The following GAS6 variants were observed in gnomAD, a reference collection of about 807,000 sequenced individuals.
The protein encoded by GAS6 is growth arrest-specific protein 6.
GAS6 carries 41 observed loss-of-function variants against 75.8 expected under a neutral mutation model. The ratio of observed to expected loss-of-function variants is 0.54; its 90% CI spans 0.42 to 0.70. GAS6 has a LOEUF of 0.70. Among genes scored for constraint, GAS6 ranks in the 30% least tolerant of loss-of-function variants. The pLI, the probability that GAS6 is intolerant of heterozygous loss-of-function variation, is 0.00. For missense variants in GAS6, 854 were observed against 940.2 expected (o/e 0.91, Z 1.20); for synonymous variants, 432 against 412.6 (o/e 1.05, Z -0.57).
In GAS6 at chr13:113,845,827, T is replaced by G. The variant is rs966402546; in HGVS notation, c.343+700A>C. ...AGAGATCAAAAGTTTAAAAAAACAGTTCATTCACCCCTGCAGGGGCGGAGG... is the reference window on the plus strand; with the variant it reads ...AGAGATCAAAAGTTTAAAAAAACAGGTCATTCACCCCTGCAGGGGCGGAGG... On this transcript the variant is annotated intron_variant, in intron 4 of 14. Transcript: ENST00000327773. The surrounding 1 kb of genome is among the most constrained non-coding windows in gnomAD (Gnocchi z 4.3). The G allele has an allele frequency of 2.6e-5, 4 of 151,634 alleles. No homozygotes were observed. Among genetic ancestry groups the G allele is most frequent in the African/African-American group, 9.7e-5 (4 of 41,238 alleles). The allele number at this position is 151,634 out of a possible 1,614,324, so 9.4% of individuals were successfully genotyped here.
intron 5 of GAS6, chr13:113,839,469 T>C (rs2051752594): frequency 2.3e-6 from 1 of 431,766 alleles, no homozygotes; most frequent in Admixed American, 4.1e-5. Context: ...AGAGGTGAAA[T>C]TTCCCCCCCC....
chr13:113,858,117 T>A (rs1043633698), intron 2 of GAS6, among the ~76,000 whole-genome samples: 23 of 152,352 alleles, frequency 1.5e-4, no homozygotes, highest in African/African-American at 5.5e-4. Flanking sequence ...CCCGTGACCT[T>A]GTGTCACTTT....
chr13:113,849,929 T>A (rs1055469521), intron 2 of GAS6, among the ~76,000 whole-genome samples: 22 of 152,020 alleles, frequency 1.4e-4, no homozygotes, highest in African/African-American at 5.3e-4. Flanking sequence ...AAAGCTAAGA[T>A]GAATAAACCT....
chr13:113,861,127 G>A (rs2138669502), intron 2 of GAS6, among the ~76,000 whole-genome samples: 1 of 152,366 alleles, frequency 6.6e-6, no homozygotes, highest in East Asian at 1.9e-4. Flanking sequence ...AGGGGCAGTG[G>A]GACACACTTC....
rs1293170201 is a variant in GAS6 at position 113,839,860 on chromosome 13, GAC to G, written c.344-12_344-11del. ...CACTGGTCAGGCAGGTCTGATTGGG[GAC>G]ACAAAGTGGAAAATCATGTTCAGCT... is the stretch of plus-strand genomic sequence containing the variant. On this transcript the variant is annotated splice_polypyrimidine_tract_variant and intron_variant, in intron 4 of 14. Transcript: ENST00000327773. 6.2e-7 allele frequency: 1 copy of G among 1,613,600 alleles called. No individual in the cohort carries two copies. Among genetic ancestry groups the G allele is most frequent in the Admixed American group, 1.7e-5 (1 of 59,974 alleles).
chr13:113,828,687 T>C lies in GAS6; in HGVS notation c.1168A>G (p.Asn390Asp), dbSNP rs142494562. ...QTISVEELAR[N>D]LVIKVNRDAV... The stretch of plus-strand genomic sequence containing the variant: ...TCCCTGTTGACCTTGATGACCAGAT[T>C]CCGCGCCAGCTCCTCAACAGAGATC... Residue 390 changes from asparagine to aspartate, a missense_variant, in exon 11 of 15, where the codon AAT (asparagine) becomes GAT (aspartate). Asn to Asp is a conservative substitution (Grantham distance 23). Coordinates refer to ENST00000327773, the MANE Select transcript of GAS6 (RefSeq NM_000820.4). The C allele has an allele frequency of 7.8e-5, 126 of 1,613,410 alleles. 1 individual carries two copies. Among genetic ancestry groups the C allele is most frequent in the Non-Finnish European group, 1.0e-4 (118 of 1,179,972 alleles).
intron 6 of GAS6, chr13:113,835,968 C>A (rs979951151): frequency 9.2e-7 from 1 of 1,082,372 alleles, no homozygotes. Context: ...GACACGGGGC[C>A]GTAAAAAGTA....
At chr13:113,842,060 G>C (rs1349504156) in intron 4 of GAS6, 1 of 84,480 alleles carries the variant, frequency 1.2e-5, no homozygotes, top group African/African-American at 4.6e-5. Flanking sequence ...AATTTCCTTT[G>C]TACGCCCCAG....
chr13:113,835,727 C>T, intron 6 of GAS6, 92 bp from the exon 7 acceptor site: 1 of 1,535,140 alleles, frequency 6.5e-7, no homozygotes, highest in South Asian at 1.3e-5. Flanking sequence ...AGGGCACCAC[C>T]CAGAGGTCGC....
At chr13:113,835,009 G>A (rs544022220) in intron 7 of GAS6, among the ~76,000 whole-genome samples, 100 of 152,364 alleles carry the variant, frequency 6.6e-4, no homozygotes, top group Non-Finnish European at 1.2e-3. Context: ...GGTGTCCCCC[G>A]GAGCACAGAG....
chr13:113,828,451 G>T, intron 11 of GAS6, 96 bp downstream of exon 11: 1 of 1,310,000 alleles, frequency 7.6e-7, no homozygotes, highest in Non-Finnish European at 1.0e-6. Context: ...CCTGGTTAAT[G>T]GTAAACACAG....
intron 14 of GAS6, 190 bp downstream of exon 14, chr13:113,821,768 G>C: frequency 1.8e-6 from 1 of 565,298 alleles, no homozygotes; most frequent in South Asian, 2.4e-5. Flanking sequence ...CTCAGCCAAT[G>C]ACCTGACCAG....
At chr13:113,862,223 G>A (rs2051977239) in intron 2 of GAS6, among the ~76,000 whole-genome samples, 1 of 152,250 alleles carries the variant, frequency 6.6e-6, no homozygotes, top group South Asian at 2.1e-4. Context: ...AGGAGGGGCT[G>A]CGGCCAGGCC....
chr13:113,830,289 T>A (rs2051613666), intron 10 of GAS6, among the ~76,000 whole-genome samples: 1 of 151,334 alleles, frequency 6.6e-6, no homozygotes, highest in Non-Finnish European at 1.5e-5. Context: ...GTACCCCTGC[T>A]GGGGAAGGGC....
chr13:113,827,336 C>T (rs1027716008), intron 11 of GAS6, among the ~76,000 whole-genome samples, 172 bp from the exon 12 acceptor site: 8 of 152,228 alleles, frequency 5.3e-5, no homozygotes, highest in Non-Finnish European at 8.8e-5. Flanking sequence ...CTTTACACAA[C>T]GCCTCACTGC....
chr13:113,858,255 T>C (rs1185087560), intron 2 of GAS6, among the ~76,000 whole-genome samples: 1 of 152,058 alleles, frequency 6.6e-6, no homozygotes, highest in African/African-American at 2.4e-5. Context: ...CATGTGTGCC[T>C]GTGTGTGTAT....
At chr13:113,859,072 A>T (rs1383515091) in intron 2 of GAS6, among the ~76,000 whole-genome samples, 1 of 148,214 alleles carries the variant, frequency 6.7e-6, no homozygotes, top group Admixed American at 6.7e-5. Context: ...ACGTATGTCT[A>T]TGTGAATGTG....
rs2051583466 is a variant in GAS6 at position 113,828,569 on chromosome 13, T to C, written c.1286A>G (p.His429Arg). The C allele has an allele frequency of 6.2e-7, 1 of 1,613,434 alleles. No individual in the cohort carries two copies. Among genetic ancestry groups the C allele is most frequent in the Non-Finnish European group, 8.5e-7 (1 of 1,179,948 alleles). ...LNLTVGGIPF[H>R]EKDLVQPINP... Reference sequence around the variant, plus strand: ...CACAGGCTGCACGAGGTCCTTCTCATGGAAGGGAATACCTCCCACGGTCAG... The same window carrying C: ...CACAGGCTGCACGAGGTCCTTCTCACGGAAGGGAATACCTCCCACGGTCAG... The change falls in exon 11 of 15, where the codon CAT (histidine) becomes CGT (arginine). Residue 429 changes from histidine to arginine, a missense_variant. Transcript: ENST00000327773.
In GAS6 at chr13:113,848,499, G is replaced by C; in HGVS notation, c.256-449C>G. On this transcript the variant is annotated intron_variant, in intron 2 of 14. Transcript: ENST00000327773. The surrounding 1 kb of genome is among the most constrained non-coding windows in gnomAD (Gnocchi z 4.8). ...GGGTGAGGATGGAGGCTGTAATGAAGGGTCTTCTTATCCATGAAAGCGCAC... is the reference window on the plus strand; with the variant it reads ...GGGTGAGGATGGAGGCTGTAATGAACGGTCTTCTTATCCATGAAAGCGCAC... Among the ~76,000 whole-genome samples, 1 of 152,180 alleles carries C rather than the reference G, an allele frequency of 6.6e-6. No homozygotes were observed. Among genetic ancestry groups the C allele is most frequent in the East Asian group, 1.9e-4 (1 of 5,200 alleles).
Sources: gnomAD v4.1 joint callset for allele counts (sites outside exome capture counted in the v4.1 genomes callset) on GRCh38, gnomAD v4.1.1 for gene constraint, Gnocchi (gnomAD v3.1) non-coding constraint, MANE v1.5 for transcripts, NCBI Gene and HGNC (gene_info 2026-07-23, HGNC 2026-07-21) for gene names.